Variants in FGF13 observed in about 807,000 individuals in gnomAD.
FGF13 encodes the protein fibroblast growth factor 13, also known as fibroblast growth factor homologous factor 2.
FGF13 carries 2 observed loss-of-function variants against 19.5 expected under a neutral mutation model. That is an observed-to-expected ratio of 0.10 (90% CI 0.04 to 0.32). The LOEUF is 0.32. Ranked by LOEUF, FGF13 falls within the 10% of genes least tolerant of loss-of-function variation. FGF13 has a pLI of 1.00. For synonymous variants in FGF13, 72 were observed against 76.9 expected, an observed-to-expected ratio of 0.94 and a Z score of 0.33; for missense variants, 113 against 192.7, an observed-to-expected ratio of 0.59 and a Z score of 2.45.
chrX:139,033,027 CAAAAAAAAAA>C (rs758766077), intron 1 of FGF13, among the ~76,000 whole-genome samples: 102 of 27,274 alleles, frequency 3.7e-3, no homozygotes, highest in African/African-American at 0.013. Flanking sequence ...TCTGATTATC[CAAAAAAAAAA>C]AAAAAAAAAA....
chrX:138,932,872 G>C (rs2091711403), intron 1 of FGF13, among the ~76,000 whole-genome samples: 1 of 110,554 alleles, frequency 9.0e-6, no homozygotes. Flanking sequence ...ACAGGCCCTG[G>C]CTTATAGAGA....
Position 139,156,103 on chromosome X carries a change from G to A in FGF13, c.-113+47313C>T, listed in dbSNP as rs756869091. Among the ~76,000 whole-genome samples, 163 of 112,081 alleles carry A rather than the reference G, an allele frequency of 1.5e-3. 2 individuals are homozygous for A. The highest frequency in any genetic ancestry group is 2.5e-3 in the Admixed American group (27 of 10,627). Reference sequence around the variant, plus strand: ...ATACAATTTCAGAGACTCTTTTTAGGAATGGAATACAAAATGATGAACATA... The same window carrying A: ...ATACAATTTCAGAGACTCTTTTTAGAAATGGAATACAAAATGATGAACATA... On this transcript the variant is annotated intron_variant, in intron 1 of 2. Coordinates refer to the FGF13 transcript ENST00000421460.
chrX:138,704,606 G>A (rs1449853398), intron 2 of FGF13, among the ~76,000 whole-genome samples: 1 of 112,074 alleles, frequency 8.9e-6, no homozygotes, highest in Non-Finnish European at 1.9e-5. Flanking sequence ...TAATATGGAT[G>A]AGAAATACTA....
rs1288210302 is a variant in FGF13 at position 138,622,850 on chromosome X, G to A, written c.*10000C>T. ...TTAAGATTTTGATAGGGCTTGCATT[G>A]ACTCTGTAGATCACTTTAGTTAGTA... On this transcript the variant is annotated 3_prime_UTR_variant, in exon 5 of 5. Coordinates refer to ENST00000315930, the MANE Select transcript of FGF13 (RefSeq NM_004114.5). 1 of 111,509 alleles carries A rather than the reference G, an allele frequency of 9.0e-6. No homozygotes were observed. The highest frequency in any genetic ancestry group is 3.3e-5 in the African/African-American group (1 of 30,704). The allele number at this position is 111,509 out of a possible 1,213,427, so 9.2% of individuals were successfully genotyped here.
At chrX:138,945,893 T>C (rs1467766529) in intron 1 of FGF13, among the ~76,000 whole-genome samples, 2 of 111,757 alleles carry the variant, frequency 1.8e-5, no homozygotes, top group Non-Finnish European at 3.8e-5. Flanking sequence ...GTTTTTTGCA[T>C]TTTTTTAACT....
intron 1 of FGF13, among the ~76,000 whole-genome samples, chrX:139,037,424 A>C (rs188800583): frequency 3.1e-4 from 33 of 105,462 alleles, no homozygotes; most frequent in African/African-American, 1.2e-3. Context: ...TGGTGCTGTA[A>C]AAAAAAAAAA....
At chrX:139,101,542 A>T (rs946002505) in intron 1 of FGF13, among the ~76,000 whole-genome samples, 1 of 112,410 alleles carries the variant, frequency 8.9e-6, no homozygotes, top group Non-Finnish European at 1.9e-5. Context: ...CCTTTCACAA[A>T]AACTAAAAGA....
At chrX:139,188,148 A>G (rs2084296177) in intron 1 of FGF13, among the ~76,000 whole-genome samples, 1 of 111,725 alleles carries the variant, frequency 9.0e-6, no homozygotes, top group African/African-American at 3.3e-5. Context: ...TTCTCCCACT[A>G]TCAGCTCTGT....
chrX:139,148,793 T>A (rs1463979636), intron 1 of FGF13, among the ~76,000 whole-genome samples: 1 of 110,952 alleles, frequency 9.0e-6, no homozygotes, highest in African/African-American at 3.3e-5. Flanking sequence ...GCTCCTAATG[T>A]CAGTTTTGCT....
chrX:138,758,048 TG>T (rs2090442598), intron 3 of FGF13, among the ~76,000 whole-genome samples: 1 of 111,817 alleles, frequency 8.9e-6, no homozygotes, highest in Non-Finnish European at 1.9e-5. Context: ...TCTAAATCTG[TG>T]GCAAGTTAAC....
intron 3 of FGF13, among the ~76,000 whole-genome samples, chrX:138,798,744 C>G (rs1240621391): frequency 2.7e-5 from 3 of 111,823 alleles, no homozygotes; most frequent in African/African-American, 9.8e-5. Context: ...AATTTCAGAA[C>G]TTGTTATTGG....
At chrX:138,753,028 T>G (rs917113342) in intron 3 of FGF13, among the ~76,000 whole-genome samples, 1 of 111,799 alleles carries the variant, frequency 8.9e-6, no homozygotes, top group Admixed American at 9.5e-5. Context: ...ATAGTTTCAA[T>G]TTTTGCACAC....
intron 1 of FGF13, among the ~76,000 whole-genome samples, chrX:139,129,900 C>T (rs1397623488): frequency 1.8e-5 from 2 of 111,725 alleles, no homozygotes; most frequent in East Asian, 5.6e-4. Context: ...TCTGACATTT[C>T]GGAGAAAGCC....
At chrX:138,863,874 C>T (rs1438165229) in intron 2 of FGF13, among the ~76,000 whole-genome samples, 1 of 112,165 alleles carries the variant, frequency 8.9e-6, no homozygotes, top group East Asian at 2.8e-4. Context: ...CTCTGTGAGC[C>T]TCAGCTGCCT....
Position 138,865,433 on chromosome X carries a change from T to TCTCTCTCTCTCTCTCTC in FGF13, c.-112-800_-112-784dup, listed in dbSNP as rs1174927256. ...CTCCAGTGAAAATTCCTCTCTCTCT[T>TCTCTCTCTCTCTCTCTC]CTCTCTCTCTCTCTCTCCTCTCTCT... On this transcript the variant is annotated intron_variant, in intron 1 of 2. Transcript: ENST00000421460. Among the ~76,000 whole-genome samples, 375 of 95,488 alleles carry TCTCTCTCTCTCTCTCTC rather than the reference T, an allele frequency of 3.9e-3. 2 individuals carry two copies. The highest frequency in any genetic ancestry group is 6.0e-3 in the Non-Finnish European group (295 of 48,994). 82.9% of individuals were successfully genotyped at this position (95,488 alleles called of 115,157 possible).
At position 138,628,673 on chromosome X, in the gene FGF13, A is replaced by G. The variant is rs2089087535; in HGVS notation, c.*4177T>C. The G allele has an allele frequency of 8.9e-6, 1 of 112,374 alleles. No individual in the cohort carries two copies. The highest frequency in any genetic ancestry group is 1.9e-5 in the Non-Finnish European group (1 of 53,314). The allele number at this position is 112,374 out of a possible 1,213,427, so 9.3% of individuals were successfully genotyped here. A position where few individuals can be genotyped will look rare whatever the true frequency, so the allele number is the denominator to read the frequency against. On this transcript the variant is annotated 3_prime_UTR_variant, in exon 5 of 5. Coordinates refer to ENST00000315930, the MANE Select transcript of FGF13 (RefSeq NM_004114.5). ...TTATGGTCAGCTGATGTAGATGAAG[A>G]GATATTCATTTTCCCTCATATGTTC... is the stretch of plus-strand genomic sequence containing the variant.
chrX:139,101,011 G>T (rs776785246), intron 1 of FGF13, among the ~76,000 whole-genome samples: 1 of 111,697 alleles, frequency 9.0e-6, no homozygotes, highest in East Asian at 2.9e-4. Flanking sequence ...AGCAAGAAGA[G>T]CAATCATTTG....
At position 138,985,340 on chromosome X, in the gene FGF13, G is replaced by A. The variant is rs188827044; in HGVS notation, c.-112-120690C>T. Reference sequence around the variant, plus strand: ...CACAGAGAGGAGAGGACAGTGAATAGTGGCAGAGATGGGAAGAGGATTCAA... The same window carrying A: ...CACAGAGAGGAGAGGACAGTGAATAATGGCAGAGATGGGAAGAGGATTCAA... On this transcript the variant is annotated intron_variant, in intron 1 of 2. Transcript: ENST00000421460. Among the ~76,000 whole-genome samples, 21 of 112,307 alleles carry A rather than the reference G, an allele frequency of 1.9e-4. No homozygotes were observed. In the East Asian group the frequency reaches 2.0e-3, roughly 11 times the overall value.
chrX:138,821,641 G>A, intron 3 of FGF13, among the ~76,000 whole-genome samples: 1 of 111,937 alleles, frequency 8.9e-6, no homozygotes, highest in Non-Finnish European at 1.9e-5. Flanking sequence ...TAAGATACAT[G>A]ATCAAAATTA....
Sources: gnomAD v4.1 joint callset for allele counts (sites outside exome capture counted in the v4.1 genomes callset) on GRCh38, gnomAD v4.1.1 for gene constraint, MANE v1.5 for transcripts, NCBI Gene and HGNC (gene_info 2026-07-23, HGNC 2026-07-21) for gene names.